CKAP5: variants seen among roughly 807,000 people sequenced by gnomAD.
The protein encoded by CKAP5 is cytoskeleton-associated protein 5.
Under a neutral mutation model 232.8 loss-of-function variants are expected in CKAP5, and 27 were observed. That is an observed-to-expected ratio of 0.12 (90% confidence interval 0.09 to 0.16). The LOEUF (loss-of-function observed/expected upper bound fraction) is 0.16, where lower values mean the gene tolerates loss of function less well. Ranked by LOEUF, CKAP5 falls within the 10% of genes least tolerant of loss-of-function variation. The probability of loss-of-function intolerance (pLI) is 1.00; values close to 1 mark genes in which losing one functional copy is unlikely to be tolerated. For missense variants in CKAP5, 1,838 were observed against 2,424.7 expected (o/e 0.76, Z 5.08); for synonymous variants, 785 against 841.1 (o/e 0.93, Z 1.16).
chr11:46,774,205 A>T (rs2065272642), intron 24 of CKAP5, among the ~76,000 whole-genome samples: 1 of 152,248 alleles, frequency 6.6e-6, no homozygotes, highest in Non-Finnish European at 1.5e-5. Flanking sequence ...TGCGAAAATC[A>T]CAAGCATTCC....
At chr11:46,788,829 A>T in intron 15 of CKAP5, 56 bp from the exon 16 acceptor site, 1 of 1,263,700 alleles carries the variant, frequency 7.9e-7, no homozygotes, top group Non-Finnish European at 1.1e-6. Flanking sequence ...TTCCAAAGGA[A>T]GAGTAAATAC....
intron 1 of CKAP5, among the ~76,000 whole-genome samples, chr11:46,838,094 G>A (rs1939956971): frequency 6.6e-6 from 1 of 152,178 alleles, no homozygotes; most frequent in South Asian, 2.1e-4. Context: ...ATGATGTGAT[G>A]AAAATGGCAC....
At chr11:46,789,709 T>C (rs751390897) in intron 15 of CKAP5, among the ~76,000 whole-genome samples, 7 of 152,002 alleles carry the variant, frequency 4.6e-5, no homozygotes, top group Non-Finnish European at 8.8e-5. Flanking sequence ...GGCAGGAGAA[T>C]GGCGTGAACC....
At chr11:46,785,335 T>C (rs1382424421) in intron 16 of CKAP5, among the ~76,000 whole-genome samples, 2 of 152,194 alleles carry the variant, frequency 1.3e-5, no homozygotes, top group Non-Finnish European at 2.9e-5. Context: ...CATTTATTTA[T>C]GTATTTATTT....
intron 28 of CKAP5, among the ~76,000 whole-genome samples, chr11:46,764,886 C>CATTCCATTCTTTGATTTTAAA (rs66658107): frequency 2.0e-5 from 3 of 149,976 alleles, no homozygotes; most frequent in African/African-American, 7.4e-5. Flanking sequence ...AAAAAAAAAT[C>CATTCCATTCTTTGATTTTAAA]AATGAAGATA....
At chr11:46,835,350 C>T (rs1159265562) in intron 1 of CKAP5, among the ~76,000 whole-genome samples, 1 of 151,752 alleles carries the variant, frequency 6.6e-6, no homozygotes. Context: ...ATCCAGATCT[C>T]GGTTTCTAAA....
At chr11:46,750,699 A>C in intron 40 of CKAP5, 88 bp from the exon 41 acceptor site, 1 of 1,028,912 alleles carries the variant, frequency 9.7e-7, no homozygotes. Context: ...AAAATATCTC[A>C]AAATCTGGGC....
chr11:46,793,082 T>C (rs1938779672), intron 13 of CKAP5, among the ~76,000 whole-genome samples: 1 of 152,138 alleles, frequency 6.6e-6, no homozygotes, highest in Non-Finnish European at 1.5e-5. Context: ...TCTCTATCCT[T>C]TAAAAGCTTA....
At chr11:46,777,028 ATAACT>A (rs1363301304) in intron 23 of CKAP5, among the ~76,000 whole-genome samples, 17 of 152,322 alleles carry the variant, frequency 1.1e-4, no homozygotes, top group Admixed American at 7.8e-4. Context: ...AAAGTAGAAA[ATAACT>A]TAATGAACTC....
At chr11:46,814,998 C>T (rs1042329269) in intron 4 of CKAP5, among the ~76,000 whole-genome samples, 1 of 152,096 alleles carries the variant, frequency 6.6e-6, no homozygotes, top group South Asian at 2.1e-4. Flanking sequence ...CAACAAAAGG[C>T]CAGTACTTTT....
intron 1 of CKAP5, among the ~76,000 whole-genome samples, chr11:46,822,105 C>T (rs1005545686): frequency 6.6e-6 from 1 of 151,590 alleles, no homozygotes; most frequent in Non-Finnish European, 1.5e-5. Context: ...ATGGTGGAAC[C>T]CCATCTATAC....
intron 9 of CKAP5, among the ~76,000 whole-genome samples, chr11:46,799,833 T>C (rs1938985110): frequency 6.6e-6 from 1 of 152,088 alleles, no homozygotes; most frequent in African/African-American, 2.4e-5. Context: ...ACCCCATCTC[T>C]ACCAAAAATA....
At chr11:46,759,111 C>T (rs1592437745) in intron 34 of CKAP5, 68 bp from the exon 35 acceptor site, 1 of 1,570,058 alleles carries the variant, frequency 6.4e-7, no homozygotes, top group Non-Finnish European at 8.7e-7. Context: ...TGGAGTTATA[C>T]AATTCTCCAC....
At chr11:46,767,740 G>C in intron 26 of CKAP5, 77 bp from the exon 27 acceptor site, 1 of 858,020 alleles carries the variant, frequency 1.2e-6, no homozygotes, top group Non-Finnish European at 1.8e-6. Context: ...AATATATAAT[G>C]ATGACAAGGA....
At chr11:46,815,987 T>C (rs985280032) in intron 4 of CKAP5, among the ~76,000 whole-genome samples, 4 of 152,082 alleles carry the variant, frequency 2.6e-5, no homozygotes, top group African/African-American at 7.2e-5. Flanking sequence ...AAGGTTCTCA[T>C]ACGAGTGCAA....
intron 33 of CKAP5, chr11:46,760,362 T>C (rs1258937712): frequency 1.6e-6 from 1 of 640,780 alleles, no homozygotes; most frequent in Non-Finnish European, 2.9e-6. Context: ...ATCCTATAAG[T>C]GCGATACATA....
intron 1 of CKAP5, among the ~76,000 whole-genome samples, chr11:46,836,902 T>C (rs1027271183): frequency 3.3e-5 from 5 of 152,194 alleles, no homozygotes; most frequent in African/African-American, 1.2e-4. Context: ...CTTTAATGTA[T>C]GCAAATTTTA....
At chr11:46,788,391 A>G (rs2065416996) in intron 16 of CKAP5, among the ~76,000 whole-genome samples, 1 of 152,212 alleles carries the variant, frequency 6.6e-6, no homozygotes, top group Non-Finnish European at 1.5e-5. Flanking sequence ...CCTGACCAAC[A>G]TAGAGAAACC....
At chr11:46,786,305 G>A (rs1488531622) in intron 16 of CKAP5, among the ~76,000 whole-genome samples, 1 of 152,196 alleles carries the variant, frequency 6.6e-6, no homozygotes, top group East Asian at 1.9e-4. Flanking sequence ...AAAACCTGAA[G>A]TCTTGTAACC....
Sources: allele counts gnomAD v4.1 joint callset (sites outside exome capture counted in the v4.1 genomes callset), GRCh38; gene constraint gnomAD v4.1.1; transcripts MANE v1.5; gene names NCBI Gene and HGNC (gene_info 2026-07-23, HGNC 2026-07-21).